Variants in INPP5K observed in about 807,000 individuals in gnomAD.
The protein encoded by INPP5K is inositol polyphosphate 5-phosphatase K.
INPP5K carries 35 observed loss-of-function variants against 53.5 expected under a neutral mutation model. The observed-to-expected ratio is 0.65, with a 90% confidence interval of 0.50 to 0.87. The LOEUF (loss-of-function observed/expected upper bound fraction) is 0.87. Among genes scored for constraint, INPP5K ranks in the 40% least tolerant of loss-of-function variants. INPP5K has a pLI of 0.00. For synonymous variants in INPP5K, 253 were observed against 232.8 expected, an observed-to-expected ratio of 1.09 and a Z score of -0.79; for missense variants, 550 against 586.2, an observed-to-expected ratio of 0.94 and a Z score of 0.64.
chr17:1,504,784 G>A (rs780809588), intron 7 of INPP5K, among the ~76,000 whole-genome samples: 3 of 152,164 alleles, frequency 2.0e-5, no homozygotes, highest in South Asian at 2.1e-4. Context: ...AAATAGGTGC[G>A]TGCCTCCTCC....
At chr17:1,508,623 G>C in intron 5 of INPP5K, 1 of 309,712 alleles carries the variant, frequency 3.2e-6, no homozygotes, top group South Asian at 3.0e-5. Flanking sequence ...AAAGCAAGGG[G>C]AGACAGCAGA....
chr17:1,500,551 G>C (rs1025679597), intron 7 of INPP5K, among the ~76,000 whole-genome samples: 4 of 152,138 alleles, frequency 2.6e-5, no homozygotes, highest in African/African-American at 9.7e-5. Context: ...ATTTTTAGTA[G>C]AGACGGGGTT....
At position 1,495,536 on chromosome 17, in the gene INPP5K, G is replaced by T; in HGVS notation, c.*287C>A. On this transcript the variant is annotated 3_prime_UTR_variant, in exon 12 of 12. Transcript: ENST00000421807. Reference sequence around the variant, plus strand: ...TGGGCAAGACTAGAAGAGGGGGTAGGAATCCAGAAATGAGACGCAGAACTG... The same window carrying T: ...TGGGCAAGACTAGAAGAGGGGGTAGTAATCCAGAAATGAGACGCAGAACTG... 1 of 407,750 alleles carries T rather than the reference G, an allele frequency of 2.5e-6. No individual in the cohort carries two copies. The highest frequency in any genetic ancestry group is 4.4e-6 in the Non-Finnish European group (1 of 225,726). 25.3% of individuals were successfully genotyped at this position (407,750 alleles called of 1,614,324 possible).
intron 5 of INPP5K, 139 bp from the exon 6 acceptor site, chr17:1,508,365 G>A (rs551449872): frequency 1.2e-4 from 82 of 699,908 alleles, no homozygotes; most frequent in African/African-American, 1.1e-3. Flanking sequence ...CAGGGCACGC[G>A]TGGGTCCTCT....
At chr17:1,501,472 G>A (rs956770497) in intron 7 of INPP5K, among the ~76,000 whole-genome samples, 58 of 152,334 alleles carry the variant, frequency 3.8e-4, no homozygotes, top group African/African-American at 1.1e-3. Flanking sequence ...AGTTTCTTCA[G>A]CTGTTAAGAC....
At chr17:1,515,577 GCTGGAGAT>G in intron 1 of INPP5K, 1 of 985,720 alleles carries the variant, frequency 1.0e-6, no homozygotes, top group Non-Finnish European at 1.2e-6. Flanking sequence ...ACCTGCAGCA[GCTGGAGAT>G]CTGGAATGGC....
rs187406358 is a variant in INPP5K at position 1,506,889 on chromosome 17, C to T, written c.776+91G>A. The T allele has an allele frequency of 1.8e-4, 163 of 884,228 alleles. 1 individual carries two copies. The highest frequency in any genetic ancestry group is 1.4e-3 in the South Asian group (89 of 62,970). 54.8% of individuals were successfully genotyped at this position (884,228 alleles called of 1,614,324 possible). On this transcript the variant is annotated intron_variant, in intron 7 of 11. Coordinates refer to ENST00000421807, the MANE Select transcript of INPP5K (RefSeq NM_016532.4). ...GATGACTAGACCAATTCCTGCCCCC[C>T]CTAACACTTCTATTCTGAGACAGTT...
chr17:1,514,082 G>A, intron 1 of INPP5K, 103 bp from the exon 2 acceptor site: 2 of 657,018 alleles, frequency 3.0e-6, no homozygotes, highest in Non-Finnish European at 5.0e-6. Flanking sequence ...CAGCACTTTG[G>A]GCGGCCGAGG....
At chr17:1,513,654 C>T (rs773817956) in intron 2 of INPP5K, 93 bp from the exon 3 acceptor site, 1 of 1,195,228 alleles carries the variant, frequency 8.4e-7, no homozygotes, top group Non-Finnish European at 1.2e-6. Context: ...CTTTCAAGGC[C>T]TGAGTTCTGA....
At chr17:1,516,139 G>T (rs1259771629) in intron 1 of INPP5K, 3 of 1,276,990 alleles carry the variant, frequency 2.3e-6, no homozygotes, top group African/African-American at 3.1e-5. Context: ...GTAGGAAAAA[G>T]ATTTCTAACC....
In INPP5K at chr17:1,509,706, G is replaced by A; in HGVS notation, c.355C>T (p.Pro119Ser). The change falls in exon 4 of 12, where the codon CCC (proline) becomes TCC (serine). Residue 119 changes from proline (P) to serine (S), a missense_variant. Coordinates refer to ENST00000421807, the MANE Select transcript of INPP5K (RefSeq NM_016532.4). ...YIQILSTKST[P>S]TGLFGYWGNK... ...ACCCAGTACCCAAACAGGCCAGTGG[G>A]GGTGGATTTAGTAGACAGAATCTGG... is the stretch of plus-strand genomic sequence containing the variant. 2 of 1,610,730 alleles carry A rather than the reference G, an allele frequency of 1.2e-6. No individual in the cohort carries two copies. The highest frequency in any genetic ancestry group is 1.7e-6 in the Non-Finnish European group (2 of 1,176,998).
At chr17:1,496,928 G>A (rs1428088775) in intron 8 of INPP5K, 125 bp from the exon 9 acceptor site, 2 of 922,052 alleles carry the variant, frequency 2.2e-6, no homozygotes, top group Admixed American at 2.1e-5. Flanking sequence ...GGGTGGGCAT[G>A]GAACTCCACT....
chr17:1,506,461 T>C (rs1010934422), intron 7 of INPP5K, among the ~76,000 whole-genome samples: 2 of 152,194 alleles, frequency 1.3e-5, no homozygotes, highest in Non-Finnish European at 2.9e-5. Context: ...CCTAAACGCT[T>C]TGGCTAAAAT....
chr17:1,508,083 T>A, intron 6 of INPP5K, 32 bp downstream of exon 6: 2 of 1,476,854 alleles, frequency 1.4e-6, no homozygotes, highest in Non-Finnish European at 1.9e-6. Flanking sequence ...TGGGCTCAGA[T>A]CACCCCCTGG....
chr17:1,514,076 A>T (rs2150994882), intron 1 of INPP5K, 97 bp from the exon 2 acceptor site: 2 of 716,706 alleles, frequency 2.8e-6, no homozygotes, highest in South Asian at 4.4e-5. Flanking sequence ...TCATCACAGC[A>T]CTTTGGGCGG....
At chr17:1,506,737 C>A (rs181942661) in intron 7 of INPP5K, among the ~76,000 whole-genome samples, 67 of 152,156 alleles carry the variant, frequency 4.4e-4, no homozygotes, top group African/African-American at 1.6e-3. Context: ...ATCTGTAACA[C>A]CCCCACCCCC....
chr17:1,509,445 C>T, intron 4 of INPP5K, 92 bp from the exon 5 acceptor site: 1 of 1,271,876 alleles, frequency 7.9e-7, no homozygotes, highest in Non-Finnish European at 1.1e-6. Context: ...GACAGTCTCA[C>T]TTCCTGCAGG....
chr17:1,515,722 C>T (rs2075418035), intron 1 of INPP5K: 2 of 635,706 alleles, frequency 3.1e-6, no homozygotes, highest in Non-Finnish European at 3.9e-6. Flanking sequence ...TTTAAAGCAA[C>T]TTCCTGTCCC....
intron 11 of INPP5K, 59 bp downstream of exon 11, chr17:1,495,999 CAG>C (rs2074824206): frequency 1.4e-6 from 2 of 1,437,530 alleles, no homozygotes; most frequent in African/African-American, 1.4e-5. Flanking sequence ...GCCTGGGCCT[CAG>C]GGAGCCAGTG....
Sources: allele counts gnomAD v4.1 joint callset (sites outside exome capture counted in the v4.1 genomes callset), GRCh38; gene constraint gnomAD v4.1.1; transcripts MANE v1.5; gene names NCBI Gene and HGNC (gene_info 2026-07-23, HGNC 2026-07-21).